The following CHRNE variants were observed in gnomAD, a reference collection of about 807,000 sequenced individuals.
CHRNE encodes the protein cholinergic receptor nicotinic epsilon subunit.
A neutral mutation model predicts 56.5 loss-of-function variants in CHRNE; 58 were observed. The ratio of observed to expected loss-of-function variants is 1.03; its 90% CI spans 0.83 to 1.28. CHRNE has a LOEUF of 1.28. CHRNE is among the 50% of genes most tolerant of loss of function. The pLI is 0.00. For synonymous variants in CHRNE, 385 were observed against 297.9 expected, an observed-to-expected ratio of 1.29 and a Z score of -3.01; for missense variants, 793 against 688.9, an observed-to-expected ratio of 1.15 and a Z score of -1.69.
At position 4,899,178 on chromosome 17, in the gene CHRNE, G is replaced by A; in HGVS notation, c.1219+20C>T. ...GCAGGCACCCCGCGCGGCCCCCCGGGCCAGGGCCACTGTGCTCACCCGTCC... is the reference window on the plus strand; with the variant it reads ...GCAGGCACCCCGCGCGGCCCCCCGGACCAGGGCCACTGTGCTCACCCGTCC... On this transcript the variant is annotated intron_variant, in intron 10 of 11. Transcript: ENST00000649488. 1 of 1,346,756 alleles carries A rather than the reference G, an allele frequency of 7.4e-7. No homozygotes were observed. Among genetic ancestry groups the A allele is most frequent in the South Asian group, 1.2e-5 (1 of 84,034 alleles). 83.4% of individuals were successfully genotyped at this position (1,346,756 alleles called of 1,614,324 possible). A position where few individuals can be genotyped will look rare whatever the true frequency, so the allele number is the denominator to read the frequency against.
intron 8 of CHRNE, chr17:4,899,856 C>G: frequency 6.4e-7 from 1 of 1,550,392 alleles, no homozygotes; most frequent in East Asian, 2.4e-5. Context: ...AAGGGCTGCA[C>G]CTCGAGACCT....
Position 4,902,572 on chromosome 17 carries a change from G to A in CHRNE, c.189+49C>T. 1.2e-6 allele frequency: 2 copies of A among 1,614,140 alleles called. No individual in the cohort carries two copies. Among genetic ancestry groups the A allele is most frequent in the Non-Finnish European group, 1.7e-6 (2 of 1,180,006 alleles). On this transcript the variant is annotated intron_variant, in intron 2 of 11. Transcript: ENST00000649488. The surrounding 1 kb of genome is among the most constrained non-coding windows in gnomAD (Gnocchi z 4.0). ...GCTTTAGGACAGAGCTCAGCGGTTG[G>A]GGCCAGAAGTGGGATTTTTGGCTTA... is the stretch of plus-strand genomic sequence containing the variant.
chr17:4,902,100 G>A lies in CHRNE; in HGVS notation c.345-13C>T, dbSNP rs750257362. Reference sequence around the variant, plus strand: ...CTGGCCATCAATACTGTGGGCTCGGGGAAACCGAGCTTTTTGCACAGGTCT... The same window carrying A: ...CTGGCCATCAATACTGTGGGCTCGGAGAAACCGAGCTTTTTGCACAGGTCT... On this transcript the variant is annotated splice_polypyrimidine_tract_variant and intron_variant, in intron 4 of 11. Transcript: ENST00000649488. This position sits in a 1 kb window ranked among gnomAD's most constrained non-coding sequence, Gnocchi z 4.0. The A allele has an allele frequency of 3.1e-6, 5 of 1,613,828 alleles. No individual in the cohort carries two copies. Among genetic ancestry groups the A allele is most frequent in the East Asian group, 2.2e-5 (1 of 44,834 alleles).
rs1567639490 is a variant in CHRNE at position 4,901,947 on chromosome 17, CAGTTCTGCCAATCGAAGGGGA to C, written c.464_484del (p.Phe155_Asn161del). 1 of 1,607,686 alleles carries C rather than the reference CAGTTCTGCCAATCGAAGGGGA, an allele frequency of 6.2e-7. No homozygotes were observed. ...CTCTTCCCACCGGAAAATAAGCGAACAGTTCTGCCAATCGAAGGGGAAGTAGGTGACCTCCACTGCGCAGAC... is the reference window on the plus strand; with the variant it reads ...CTCTTCCCACCGGAAAATAAGCGAACAGTAGGTGACCTCCACTGCGCAGAC... On this transcript the variant is annotated inframe_deletion, in exon 5 of 12. Coordinates refer to ENST00000649488, the MANE Select transcript of CHRNE (RefSeq NM_000080.4).
At chr17:4,904,349 C>T (rs1208929693), upstream of CHRNE, among the ~76,000 whole-genome samples, 1 of 152,106 alleles carries the variant, frequency 6.6e-6, no homozygotes, top group African/African-American at 2.4e-5. Context: ...AGGTGTGAGC[C>T]ACCACGCCCG....
At chr17:4,901,850 G>A (rs1052241933) in intron 5 of CHRNE, 82 bp downstream of exon 5, 1 of 1,587,030 alleles carries the variant, frequency 6.3e-7, no homozygotes, top group Non-Finnish European at 8.6e-7. Context: ...CCCGCCCCGA[G>A]GGCGGTGCTT....
At chr17:4,903,476 C>T (rs1353090554), upstream of CHRNE, among the ~76,000 whole-genome samples, 1 of 152,156 alleles carries the variant, frequency 6.6e-6, no homozygotes, top group Non-Finnish European at 1.5e-5. Context: ...ACACCCCTTG[C>T]CTCCCATTCT....
chr17:4,899,732 C>T, intron 8 of CHRNE, 150 bp from the exon 9 acceptor site: 1 of 1,543,346 alleles, frequency 6.5e-7, no homozygotes, highest in Non-Finnish European at 8.8e-7. Context: ...CGTCCCCCAG[C>T]CCTTCTCCTG....
rs749945636 is a variant in CHRNE at position 4,902,409 on chromosome 17, C to T, written c.234+41G>A. On this transcript the variant is annotated intron_variant, in intron 3 of 11. Coordinates refer to ENST00000649488, the MANE Select transcript of CHRNE (RefSeq NM_000080.4). This position sits in a 1 kb window ranked among gnomAD's most constrained non-coding sequence, Gnocchi z 4.0. The stretch of plus-strand genomic sequence containing the variant: ...GGAGGGGTTTGGGGGAAAAGGGGTG[C>T]CCTGGACAAGACCTCACACCATTCC... The T allele has an allele frequency of 3.1e-6, 5 of 1,613,860 alleles. No homozygotes were observed. The highest frequency in any genetic ancestry group is 4.2e-6 in the Non-Finnish European group (5 of 1,179,852).
At position 4,902,303 on chromosome 17, in the gene CHRNE, G is replaced by A. The variant is rs368022587; in HGVS notation, c.258C>T (p.Asn86=). ...IGIDWQDYRL[N]YSKDDFGGIE... is the part of the protein sequence containing the mutation. ...TACCCCCAAAGTCGTCCTTGCTGTA[G>A]TTGAGTCGGTAATCCTGCCAATCCT... Residue 86 remains asparagine (N), a synonymous_variant, in exon 4 of 12, where the codon AAC becomes AAT. Transcript: ENST00000649488. This position sits in a 1 kb window ranked among gnomAD's most constrained non-coding sequence, Gnocchi z 4.0. 4 of 1,614,078 alleles carry A rather than the reference G, an allele frequency of 2.5e-6. No individual in the cohort carries two copies. The African/African-American group carries it at 4.0e-5, about 16-fold the overall frequency.
In CHRNE at chr17:4,902,133, C is replaced by G. The variant is rs771464203; in HGVS notation, c.345-46G>C. 1 of 1,613,794 alleles carries G rather than the reference C, an allele frequency of 6.2e-7. No homozygotes were observed. Among genetic ancestry groups the G allele is most frequent in the Non-Finnish European group, 8.5e-7 (1 of 1,179,908 alleles). ...AGCTTTTTGCACAGGTCTGCACCCT[C>G]TCAGAGTACCCCCTTCCCCAACCAA... On this transcript the variant is annotated intron_variant, in intron 4 of 11. Coordinates refer to ENST00000649488, the MANE Select transcript of CHRNE (RefSeq NM_000080.4). This position sits in a 1 kb window ranked among gnomAD's most constrained non-coding sequence, Gnocchi z 4.0.
At chr17:4,903,208 T>A, upstream of CHRNE, 3 of 834,288 alleles carry the variant, frequency 3.6e-6, no homozygotes, top group Non-Finnish European at 5.9e-6. Flanking sequence ...CTGCTGCAGC[T>A]GGGGACATTT....
rs1175424462 is a variant in CHRNE at position 4,901,515 on chromosome 17, G to C, written c.601+10C>G. The stretch of plus-strand genomic sequence containing the variant: ...AGAAGCGGGTTTTTCTGAGCAGGCA[G>C]GGGCTTCACCAGTATAGGCCTCTGT... On this transcript the variant is annotated intron_variant, in intron 6 of 11. Transcript: ENST00000649488. The C allele has an allele frequency of 6.2e-7, 1 of 1,613,530 alleles. No homozygotes were observed. Among genetic ancestry groups the C allele is most frequent in the Non-Finnish European group, 8.5e-7 (1 of 1,179,438 alleles).
chr17:4,899,744 C>T (rs1969898918), intron 8 of CHRNE, 162 bp from the exon 9 acceptor site: 2 of 1,550,412 alleles, frequency 1.3e-6, no homozygotes, highest in African/African-American at 1.4e-5. Context: ...CTTCTCCTGT[C>T]CTACCACTTG....
chr17:4,905,107 C>T (rs908482101), upstream of CHRNE, among the ~76,000 whole-genome samples: 4 of 152,190 alleles, frequency 2.6e-5, no homozygotes, highest in South Asian at 2.1e-4. Context: ...CCGAGTGCTA[C>T]GGTTATTGAG....
chr17:4,902,786 G>T lies in CHRNE; in HGVS notation c.47-23C>A. The T allele has an allele frequency of 9.3e-6, 15 of 1,614,040 alleles. No homozygotes were observed. The highest frequency in any genetic ancestry group is 1.3e-5 in the Non-Finnish European group (15 of 1,180,028). ...TGCCTGCGATGGGGTCAAGAAGGAA[G>T]GGTCATTGGCAATGAAGAGGCTGGA... is the stretch of plus-strand genomic sequence containing the variant. On this transcript the variant is annotated intron_variant, in intron 1 of 11. Transcript: ENST00000649488. This position sits in a 1 kb window ranked among gnomAD's most constrained non-coding sequence, Gnocchi z 4.0.
At chr17:4,900,446 G>C in intron 8 of CHRNE, 1 of 1,551,112 alleles carries the variant, frequency 6.4e-7, no homozygotes, top group Non-Finnish European at 8.7e-7. Flanking sequence ...GTCTGCAGGG[G>C]TCTGCCTCAT....
rs1969981918 is a variant in CHRNE at position 4,901,465 on chromosome 17, G to C, written c.601+60C>G. ...GTTGGTCCGGGGCAAGCCCACCGTG[G>C]AAGTCCCCTCTCTGGACCCCGTCTA... is the stretch of plus-strand genomic sequence containing the variant. On this transcript the variant is annotated intron_variant, in intron 6 of 11. Transcript: ENST00000649488. The C allele has an allele frequency of 3.3e-6, 5 of 1,510,958 alleles. No homozygotes were observed. In the Admixed American group the frequency reaches 5.0e-5, roughly 15 times the overall value. The allele number at this position is 1,510,958 out of a possible 1,614,324, so 93.6% of individuals were successfully genotyped here. A position where few individuals can be genotyped will look rare whatever the true frequency, so the allele number is the denominator to read the frequency against.
upstream of CHRNE, chr17:4,903,147 G>C (rs1207306619): frequency 7.1e-7 from 1 of 1,402,570 alleles, no homozygotes; most frequent in East Asian, 2.3e-5. Context: ...GGGGGAGGAG[G>C]GTGTTAGTTC....
Sources: gnomAD v4.1 joint callset for allele counts (sites outside exome capture counted in the v4.1 genomes callset) on GRCh38, gnomAD v4.1.1 for gene constraint, Gnocchi (gnomAD v3.1) non-coding constraint, MANE v1.5 for transcripts, NCBI Gene and HGNC (gene_info 2026-07-23, HGNC 2026-07-21) for gene names.